UBE2E2: variants seen among roughly 807,000 people sequenced by gnomAD.
UBE2E2 encodes the protein ubiquitin conjugating enzyme E2 E2.
UBE2E2 carries 6 observed loss-of-function variants against 24.7 expected under a neutral mutation model. That is an observed-to-expected ratio of 0.24 (90% confidence interval 0.13 to 0.48). The LOEUF is 0.48. Ranked by LOEUF, UBE2E2 falls within the 20% of genes least tolerant of loss-of-function variation. UBE2E2 has a pLI of 0.99. For synonymous variants in UBE2E2, 104 were observed against 83.6 expected (o/e 1.24, Z -1.33); for missense variants, 169 against 245.0 (o/e 0.69, Z 2.07).
chr3:23,542,153 G>A (rs1050572432), intron 5 of UBE2E2, among the ~76,000 whole-genome samples: 3 of 152,156 alleles, frequency 2.0e-5, no homozygotes, highest in East Asian at 1.9e-4. Flanking sequence ...CCAGCCACCC[G>A]TGGTCATCGT....
At chr3:23,520,540 T>C (rs1694840327) in intron 4 of UBE2E2, among the ~76,000 whole-genome samples, 1 of 152,376 alleles carries the variant, frequency 6.6e-6, no homozygotes, top group South Asian at 2.1e-4. Context: ...GAATGTCTCT[T>C]TTGTGTGTTG....
At chr3:23,409,252 T>G (rs550047683) in intron 3 of UBE2E2, among the ~76,000 whole-genome samples, 8 of 152,192 alleles carry the variant, frequency 5.3e-5, no homozygotes, top group African/African-American at 1.7e-4. Flanking sequence ...AAAAGCAGAG[T>G]GTTACACAGT....
At chr3:23,414,123 A>T (rs986047769) in intron 3 of UBE2E2, among the ~76,000 whole-genome samples, 2 of 152,228 alleles carry the variant, frequency 1.3e-5, no homozygotes, top group East Asian at 1.9e-4. Context: ...ACAATTCAGC[A>T]TGAGAAATTC....
chr3:23,214,146 TC>T (rs1696405186), intron 2 of UBE2E2, among the ~76,000 whole-genome samples: 1 of 152,204 alleles, frequency 6.6e-6, no homozygotes. Context: ...TGCTCAGACT[TC>T]TTGAATTCAT....
intron 5 of UBE2E2, among the ~76,000 whole-genome samples, chr3:23,538,545 T>G (rs1005739969): frequency 6.6e-6 from 1 of 152,198 alleles, no homozygotes; most frequent in Non-Finnish European, 1.5e-5. Context: ...TGGGTTCCAA[T>G]TCAGTATTAC....
intron 1 of UBE2E2, among the ~76,000 whole-genome samples, chr3:23,205,495 A>G (rs1359377040): frequency 6.6e-6 from 1 of 152,198 alleles, no homozygotes; most frequent in Non-Finnish European, 1.5e-5. Flanking sequence ...AATTCGTTGC[A>G]CCTGAGTGGT....
chr3:23,515,569 G>C (rs186042422), intron 4 of UBE2E2, among the ~76,000 whole-genome samples: 1 of 152,240 alleles, frequency 6.6e-6, no homozygotes, highest in African/African-American at 2.4e-5. Flanking sequence ...CGATTAGTAT[G>C]GGTGTATAAC....
chr3:23,582,860 A>AGTGT (rs58053821), intron 5 of UBE2E2, among the ~76,000 whole-genome samples: 19,145 of 116,650 alleles, frequency 0.16, 1,456 homozygotes, highest in Middle Eastern at 0.24. Context: ...TATTCTGTTG[A>AGTGT]GTGTGTGTGT....
intron 3 of UBE2E2, among the ~76,000 whole-genome samples, chr3:23,363,689 A>G (rs565407281): frequency 5.3e-5 from 8 of 152,326 alleles, no homozygotes; most frequent in Admixed American, 1.3e-4. Context: ...ATAGCCACAC[A>G]ATAGTAGTGA....
rs1265031401 is a variant in UBE2E2, at chr3:23,262,303, C to T, written c.227+44991C>T. ...TTACCAATTTTTTAAATTTTAGAAA[C>T]AGAGTCGTGGTCTTTTTTTCAGGCT... On this transcript the variant is annotated intron_variant, in intron 3 of 5. Coordinates refer to ENST00000396703, the MANE Select transcript of UBE2E2 (RefSeq NM_152653.4). Among the ~76,000 whole-genome samples the T allele has an allele frequency of 3.3e-5, 5 of 151,994 alleles. 1 individual carries two copies. Among genetic ancestry groups the T allele is most frequent in the Admixed American group, 3.3e-4 (5 of 15,256 alleles).
intron 3 of UBE2E2, among the ~76,000 whole-genome samples, chr3:23,290,875 C>T (rs2125247097): frequency 7.7e-6 from 1 of 129,524 alleles, no homozygotes; most frequent in Non-Finnish European, 1.6e-5. Flanking sequence ...GGCAACATAG[C>T]AGGACTGTGT....
intron 3 of UBE2E2, chr3:23,449,808 A>G: frequency 1.1e-6 from 1 of 950,018 alleles, no homozygotes; most frequent in Non-Finnish European, 1.3e-6. Context: ...CTCAACGGGG[A>G]AAAGTTTTAA....
intron 5 of UBE2E2, among the ~76,000 whole-genome samples, chr3:23,550,760 A>G (rs986134723): frequency 6.6e-6 from 1 of 152,158 alleles, no homozygotes; most frequent in Non-Finnish European, 1.5e-5. Context: ...GATACTGTAC[A>G]AGGAGAAAGA....
chr3:23,382,605 C>G (rs1376873740), intron 3 of UBE2E2, among the ~76,000 whole-genome samples: 1 of 152,194 alleles, frequency 6.6e-6, no homozygotes, highest in East Asian at 1.9e-4. Flanking sequence ...GTAGTATTCA[C>G]TATACATAAT....
intron 3 of UBE2E2, among the ~76,000 whole-genome samples, chr3:23,255,061 A>G (rs539519872): frequency 6.8e-6 from 1 of 148,088 alleles, no homozygotes; most frequent in Non-Finnish European, 1.5e-5. Flanking sequence ...TGCTGAGATC[A>G]GTTTAAGGAG....
chr3:23,297,657 G>C (rs948099351), intron 3 of UBE2E2, among the ~76,000 whole-genome samples: 3 of 152,062 alleles, frequency 2.0e-5, no homozygotes, highest in African/African-American at 7.2e-5. Context: ...TCTCTGTTTT[G>C]GTACCAGTAC....
intron 3 of UBE2E2, among the ~76,000 whole-genome samples, chr3:23,479,193 C>T (rs965737596): frequency 6.6e-6 from 1 of 152,206 alleles, no homozygotes; most frequent in African/African-American, 2.4e-5. Flanking sequence ...GATCCCACAT[C>T]TGCCAAGGGT....
intron 3 of UBE2E2, among the ~76,000 whole-genome samples, chr3:23,378,803 G>A (rs540099956): frequency 6.6e-6 from 1 of 152,238 alleles, no homozygotes; most frequent in South Asian, 2.1e-4. Context: ...AAGTTTTGGG[G>A]ACTCTGAACT....
At chr3:23,249,202 G>T (rs913590937) in intron 3 of UBE2E2, among the ~76,000 whole-genome samples, 1 of 151,666 alleles carries the variant, frequency 6.6e-6, no homozygotes, top group Admixed American at 6.6e-5. Context: ...AGCCTGGGAG[G>T]CGGAAGTTTC....
Sources: gnomAD v4.1 joint callset for allele counts (sites outside exome capture counted in the v4.1 genomes callset) on GRCh38, gnomAD v4.1.1 for gene constraint, MANE v1.5 for transcripts, NCBI Gene and HGNC (gene_info 2026-07-23, HGNC 2026-07-21) for gene names.